The following HAS2 variants were observed in gnomAD, a reference collection of about 807,000 sequenced individuals.
The protein encoded by HAS2 is HA synthase 2.
A neutral mutation model predicts 51.6 loss-of-function variants in HAS2; 16 were observed. The observed-to-expected ratio is 0.31, with a 90% CI of 0.21 to 0.47. The LOEUF (loss-of-function observed/expected upper bound fraction) is 0.47, where lower values mean the gene tolerates loss of function less well. Ranked by LOEUF, HAS2 falls within the 20% of genes least tolerant of loss-of-function variation. HAS2 has a pLI of 1.00. For missense variants in HAS2, 361 were observed against 662.6 expected (o/e 0.54, Z 5.00); for synonymous variants, 228 against 235.5 (o/e 0.97, Z 0.29).
intron 2 of HAS2, among the ~76,000 whole-genome samples, chr8:121,620,801 A>G (rs1812764938): frequency 6.6e-6 from 1 of 152,124 alleles, no homozygotes; most frequent in Non-Finnish European, 1.5e-5. Context: ...CCAGCCTGCC[A>G]CCTGTCTTGA....
rs112644926 is a variant in HAS2 at position 121,617,217 on chromosome 8, G to A, written c.628-11C>T. ...GTCTGAATCACAAACCTGCAAAGAAGCAAATGAAAAATGAGTTAAAGAAAA... is the reference window on the plus strand; with the variant it reads ...GTCTGAATCACAAACCTGCAAAGAAACAAATGAAAAATGAGTTAAAGAAAA... On this transcript the variant is annotated splice_polypyrimidine_tract_variant and intron_variant, in intron 2 of 3. Transcript: ENST00000303924. 2.0e-4 allele frequency: 303 copies of A among 1,524,766 alleles called. 1 individual carries two copies. Among genetic ancestry groups the A allele is most frequent in the Middle Eastern group, 1.7e-4 (1 of 5,830 alleles). 94.5% of individuals were successfully genotyped at this position (1,524,766 alleles called of 1,614,324 possible). A position where few individuals can be genotyped will look rare whatever the true frequency, so the allele number is the denominator to read the frequency against.
chr8:121,627,301 T>A (rs1284800168), intron 2 of HAS2, among the ~76,000 whole-genome samples: 1 of 152,170 alleles, frequency 6.6e-6, no homozygotes, highest in Non-Finnish European at 1.5e-5. Flanking sequence ...AGTTGTACTA[T>A]GTAAATACCA....
chr8:121,624,412 A>T (rs1426399139), intron 2 of HAS2, among the ~76,000 whole-genome samples: 2 of 152,202 alleles, frequency 1.3e-5, no homozygotes, highest in Non-Finnish European at 2.9e-5. Flanking sequence ...ATTTTTTGCC[A>T]CTGTGTGCTT....
intron 1 of HAS2, among the ~76,000 whole-genome samples, chr8:121,634,346 A>G (rs913136107): frequency 1.3e-5 from 2 of 152,058 alleles, no homozygotes; most frequent in African/African-American, 4.8e-5. Flanking sequence ...GACTACAATT[A>G]GGTCTGATGA....
intron 2 of HAS2, among the ~76,000 whole-genome samples, chr8:121,625,610 C>G (rs148160763): frequency 6.6e-6 from 1 of 150,444 alleles, no homozygotes; most frequent in Non-Finnish European, 1.5e-5. Flanking sequence ...CTCCCAGGCT[C>G]TAGCAATCCT....
intron 1 of HAS2, among the ~76,000 whole-genome samples, chr8:121,634,816 G>C (rs901988107): frequency 6.6e-6 from 1 of 151,764 alleles, no homozygotes; most frequent in African/African-American, 2.4e-5. Flanking sequence ...AATGGTTATG[G>C]GGAGTCCCAG....
intron 2 of HAS2, among the ~76,000 whole-genome samples, chr8:121,625,932 C>T (rs532639237): frequency 1.3e-5 from 2 of 152,200 alleles, no homozygotes; most frequent in South Asian, 4.2e-4. Flanking sequence ...CACTGGGTTT[C>T]TCTGTGACTA....
chr8:121,629,287 A>G lies in HAS2; in HGVS notation c.54T>C (p.Phe18=), dbSNP rs1812897721. ...CILRIIGTTL[F]GVSLLLGITA... ...TGATTCCAAGGAGGAGAGAGACTCC[A>G]AAGAGTGTGGTTCCAATTATTCTCA... The change falls in exon 2 of 4, where the codon TTT becomes TTC. Residue 18 remains phenylalanine (F), a synonymous_variant. Transcript: ENST00000303924. The G allele has an allele frequency of 1.6e-5, 25 of 1,612,114 alleles. No homozygotes were observed. The highest frequency in any genetic ancestry group is 2.1e-5 in the Non-Finnish European group (25 of 1,178,172).
chr8:121,623,685 G>T (rs1269675460), intron 2 of HAS2, among the ~76,000 whole-genome samples: 1 of 152,144 alleles, frequency 6.6e-6, no homozygotes, highest in Non-Finnish European at 1.5e-5. Context: ...AGATCATCTG[G>T]TCTACTACCT....
intron 3 of HAS2, among the ~76,000 whole-genome samples, chr8:121,615,765 G>A (rs989371768): frequency 6.6e-6 from 1 of 151,944 alleles, no homozygotes; most frequent in Non-Finnish European, 1.5e-5. Context: ...TCCTATCCTT[G>A]GCTATTACTT....
At chr8:121,627,785 C>T (rs1333865734) in intron 2 of HAS2, among the ~76,000 whole-genome samples, 3 of 152,220 alleles carry the variant, frequency 2.0e-5, no homozygotes, top group South Asian at 4.1e-4. Context: ...GAATAGGATG[C>T]ATCTTCTAAA....
At chr8:121,639,035 A>G (rs903340072) in intron 1 of HAS2, among the ~76,000 whole-genome samples, 2 of 152,252 alleles carry the variant, frequency 1.3e-5, no homozygotes, top group Non-Finnish European at 2.9e-5. Context: ...TAATACCGCC[A>G]GAAGTACTTA....
intron 2 of HAS2, among the ~76,000 whole-genome samples, chr8:121,628,201 T>C (rs62524937): frequency 0.047 from 7,149 of 152,016 alleles, 225 homozygotes; most frequent in Non-Finnish European, 0.067. Flanking sequence ...CTTCTCTCAA[T>C]TTTAATTTTT....
chr8:121,616,026 T>C (rs942837061), intron 3 of HAS2, among the ~76,000 whole-genome samples: 20 of 152,316 alleles, frequency 1.3e-4, no homozygotes, highest in African/African-American at 4.6e-4. Flanking sequence ...ACTACATATA[T>C]AAAATGGGTT....
chr8:121,629,326 C>T lies in HAS2; in HGVS notation c.15G>A (p.Arg5=). 1 of 1,609,232 alleles carries T rather than the reference C, an allele frequency of 6.2e-7. No individual in the cohort carries two copies. Among genetic ancestry groups the T allele is most frequent in the Non-Finnish European group, 8.5e-7 (1 of 1,176,908 alleles). MHCE[R]FLCILRIIGT... is the part of the protein sequence containing the mutation. ...CAATTATTCTCAGGATACATAGAAA[C>T]CTCTCACAATGCATCTGTAATATAA... is the stretch of plus-strand genomic sequence containing the variant. The change falls in exon 2 of 4, where the codon AGG becomes AGA. Residue 5 remains arginine, a synonymous_variant. Coordinates refer to ENST00000303924, the MANE Select transcript of HAS2 (RefSeq NM_005328.3).
chr8:121,634,562 G>A (rs542566482), intron 1 of HAS2, among the ~76,000 whole-genome samples: 1 of 151,894 alleles, frequency 6.6e-6, no homozygotes, highest in East Asian at 1.9e-4. Context: ...GTTTGTCCTT[G>A]CATGAAAACC....
intron 2 of HAS2, among the ~76,000 whole-genome samples, chr8:121,625,097 C>CAAAAAAAA (rs537345385): frequency 1.9e-4 from 11 of 57,946 alleles, no homozygotes; most frequent in African/African-American, 6.9e-4. Context: ...GACTCCGTCT[C>CAAAAAAAA]AAAAAAAAAA....
chr8:121,628,679 T>G (rs553044192), intron 2 of HAS2, 35 bp downstream of exon 2: 1 of 1,592,578 alleles, frequency 6.3e-7, no homozygotes, highest in Admixed American at 1.7e-5. Flanking sequence ...TTTATTTAAA[T>G]GTATGTTTGC....
At chr8:121,632,165 A>C (rs1812939070) in intron 1 of HAS2, among the ~76,000 whole-genome samples, 2 of 152,338 alleles carry the variant, frequency 1.3e-5, no homozygotes, top group South Asian at 2.1e-4. Flanking sequence ...TACAGACCAA[A>C]AGGCAAAAGG....
Sources: allele counts gnomAD v4.1 joint callset (sites outside exome capture counted in the v4.1 genomes callset), GRCh38; gene constraint gnomAD v4.1.1; transcripts MANE v1.5; gene names NCBI Gene and HGNC (gene_info 2026-07-23, HGNC 2026-07-21).